ZC3HAV1: variants seen among roughly 807,000 people sequenced by gnomAD.
ZC3HAV1 encodes the protein zinc finger CCCH-type antiviral protein 1.
ZC3HAV1 carries 41 observed loss-of-function variants against 86.6 expected under a neutral mutation model. That is an observed-to-expected ratio of 0.47 (90% CI 0.37 to 0.61). The LOEUF (loss-of-function observed/expected upper bound fraction) is 0.61, where lower values mean the gene tolerates loss of function less well. Ranked by LOEUF, ZC3HAV1 falls within the 20% of genes least tolerant of loss-of-function variation. The pLI is 0.00. For missense variants in ZC3HAV1, 964 were observed against 1,141.1 expected (o/e 0.84, Z 2.24); for synonymous variants, 421 against 432.1 (o/e 0.97, Z 0.32).
intron 1 of ZC3HAV1, among the ~76,000 whole-genome samples, chr7:139,099,123 T>C (rs1472445161): frequency 6.6e-6 from 1 of 152,240 alleles, no homozygotes; most frequent in Non-Finnish European, 1.5e-5. Flanking sequence ...TTTGTTAGCT[T>C]AATTTCTAAA....
At position 139,061,074 on chromosome 7, in the gene ZC3HAV1, C is replaced by T; in HGVS notation, c.2058G>A (p.Val686=). The T allele has an allele frequency of 6.2e-7, 1 of 1,613,712 alleles. No homozygotes were observed. The highest frequency in any genetic ancestry group is 1.1e-5 in the South Asian group (1 of 91,058). ...TCATCTGCTGCACATACCACTGAGGCACAAATGTTGGTCTTCTGATGACAT... is the reference window on the plus strand; with the variant it reads ...TCATCTGCTGCACATACCACTGAGGTACAAATGTTGGTCTTCTGATGACAT... ...QKDVIRRPTF[V]PQWYVQQMKR... The change falls in exon 9 of 13, where the codon GTG becomes GTA. Residue 686 remains valine, a synonymous_variant. Coordinates refer to ENST00000242351, the MANE Select transcript of ZC3HAV1 (RefSeq NM_020119.4).
At chr7:139,085,352 T>G (rs935277784) in intron 2 of ZC3HAV1, among the ~76,000 whole-genome samples, 1 of 152,244 alleles carries the variant, frequency 6.6e-6, no homozygotes, top group Non-Finnish European at 1.5e-5. Flanking sequence ...AAAGCATTTC[T>G]TCCTTTAAGA....
At chr7:139,067,008 G>A (rs1471415441) in intron 7 of ZC3HAV1, among the ~76,000 whole-genome samples, 2 of 152,180 alleles carry the variant, frequency 1.3e-5, no homozygotes, top group Non-Finnish European at 2.9e-5. Flanking sequence ...TGATGCTGCT[G>A]GTCTGTGGAC....
intron 9 of ZC3HAV1, among the ~76,000 whole-genome samples, chr7:139,059,101 A>G (rs1211755702): frequency 5.3e-5 from 8 of 152,222 alleles, no homozygotes; most frequent in Non-Finnish European, 5.9e-5. Flanking sequence ...AACGATTGTA[A>G]CGAATGGAAA....
intron 1 of ZC3HAV1, among the ~76,000 whole-genome samples, chr7:139,106,974 A>G (rs1022556384): frequency 4.0e-5 from 6 of 151,882 alleles, no homozygotes; most frequent in African/African-American, 1.4e-4. Context: ...TTTTCTCTCT[A>G]CTTTTGAGTA....
At chr7:139,057,536 T>TAAAAAATAAATGCTTGAAGGAAAAAAC (rs1584840609) in intron 9 of ZC3HAV1, among the ~76,000 whole-genome samples, 5 of 59,912 alleles carry the variant, frequency 8.3e-5, no homozygotes, top group East Asian at 5.1e-4. Context: ...AATTACATTT[T>TAAAAAATAAATGCTTGAAGGAAAAAAC]TTTTTTTTTT....
rs369685299 is a variant in ZC3HAV1, at chr7:139,079,927, G to T, written c.1014C>A (p.Asp338Glu). Residue 338 changes from aspartate to glutamate, a missense_variant, in exon 4 of 13, where the codon GAC becomes GAA. Transcript: ENST00000242351. ...TGCTGCCTGGATTTCCATGCAAGAG[G>T]TCCTCTTGACTGCCGTTCTCTAAAA... ...QRFLENGSQE[D>E]LLHGNPGSTY... The T allele has an allele frequency of 8.7e-6, 14 of 1,614,072 alleles. No homozygotes were observed. Among genetic ancestry groups the T allele is most frequent in the Non-Finnish European group, 1.1e-5 (13 of 1,180,050 alleles).
At chr7:139,064,410 T>G (rs990155408) in intron 8 of ZC3HAV1, among the ~76,000 whole-genome samples, 3 of 152,168 alleles carry the variant, frequency 2.0e-5, no homozygotes, top group African/African-American at 7.2e-5. Context: ...GAAGGCAAAG[T>G]ACTTTAATCA....
chr7:139,104,390 A>G (rs1304589000), intron 1 of ZC3HAV1, among the ~76,000 whole-genome samples: 2 of 152,208 alleles, frequency 1.3e-5, no homozygotes, highest in Non-Finnish European at 2.9e-5. Flanking sequence ...TAATAACTTC[A>G]TATAGTTACT....
intron 7 of ZC3HAV1, 114 bp downstream of exon 7, chr7:139,073,742 C>T: frequency 1.9e-6 from 2 of 1,069,592 alleles, no homozygotes; most frequent in South Asian, 3.7e-5. Context: ...CCACCTGCCT[C>T]AGCCTCCCAA....
At chr7:139,097,800 AG>A (rs1817651913) in intron 1 of ZC3HAV1, among the ~76,000 whole-genome samples, 1 of 151,956 alleles carries the variant, frequency 6.6e-6, no homozygotes, top group African/African-American at 2.4e-5. Flanking sequence ...CTGGGCTGAA[AG>A]GGCTGGAGGA....
Position 139,109,427 on chromosome 7 carries a change from G to T in ZC3HAV1, c.-96C>A. 7.1e-7 allele frequency: 1 copy of T among 1,411,210 alleles called. No individual in the cohort carries two copies. Among genetic ancestry groups the T allele is most frequent in the East Asian group, 2.5e-5 (1 of 39,350 alleles). 87.4% of individuals were successfully genotyped at this position (1,411,210 alleles called of 1,614,324 possible). ...CAAGTGTCCAGGGGCGGGCGCGGGC[G>T]GTGCTACTGCTGGGCGCGCCCGGAG... On this transcript the variant is annotated 5_prime_UTR_variant, in exon 1 of 13. Transcript: ENST00000242351.
At chr7:139,093,173 G>A (rs1328840279) in intron 1 of ZC3HAV1, among the ~76,000 whole-genome samples, 1 of 152,060 alleles carries the variant, frequency 6.6e-6, no homozygotes, top group Non-Finnish European at 1.5e-5. Flanking sequence ...AAAGGTGACA[G>A]ATAAGAGGAA....
At chr7:139,083,129 A>G (rs1817173731) in intron 3 of ZC3HAV1, among the ~76,000 whole-genome samples, 2 of 152,078 alleles carry the variant, frequency 1.3e-5, no homozygotes, top group Admixed American at 1.3e-4. Flanking sequence ...TGCTAAAGCA[A>G]TTGGGACAAA....
chr7:139,094,511 A>C (rs1393813247), intron 1 of ZC3HAV1, among the ~76,000 whole-genome samples: 1 of 152,002 alleles, frequency 6.6e-6, no homozygotes, highest in Admixed American at 6.6e-5. Context: ...AAAAAAAAAA[A>C]AAACAGCAAA....
Position 139,055,286 on chromosome 7 carries a change from T to C in ZC3HAV1, c.2106A>G (p.Pro702=). ...QQMKRGPDHQ[P]AKTSSVSLTA... is the part of the protein sequence containing the mutation. ...TTAAAGACACTGACGAGGTCTTTGC[T>C]GGCTGATGGCTACAAATAAAGAGAA... The change falls in exon 10 of 13, where the codon CCA becomes CCG. Residue 702 remains proline (P), a synonymous_variant. Coordinates refer to ENST00000242351, the MANE Select transcript of ZC3HAV1 (RefSeq NM_020119.4). 1 of 1,612,706 alleles carries C rather than the reference T, an allele frequency of 6.2e-7. No individual in the cohort carries two copies. The highest frequency in any genetic ancestry group is 1.1e-5 in the South Asian group (1 of 90,808).
At chr7:139,087,205 A>G (rs1033419125) in intron 2 of ZC3HAV1, among the ~76,000 whole-genome samples, 3 of 152,184 alleles carry the variant, frequency 2.0e-5, no homozygotes, top group African/African-American at 7.2e-5. Flanking sequence ...AAGAAAAAGG[A>G]TGATATGTCT....
chr7:139,047,528 C>G lies in ZC3HAV1; in HGVS notation c.*66G>C, dbSNP rs3087999. 813,266 of 1,596,530 alleles carry G rather than the reference C, an allele frequency of 0.51. 210,975 individuals are homozygous for G. The highest frequency in any genetic ancestry group is 0.7 in the African/African-American group (52,224 of 74,156). On this transcript the variant is annotated 3_prime_UTR_variant, in exon 13 of 13. Transcript: ENST00000242351. The stretch of plus-strand genomic sequence containing the variant: ...AATATAAAACTTTAACTCCTGTCTG[C>G]GGCAATTTAGTTCTGTAAAGGAACA...
At chr7:139,091,782 T>G (rs1817443016) in intron 1 of ZC3HAV1, among the ~76,000 whole-genome samples, 1 of 151,934 alleles carries the variant, frequency 6.6e-6, no homozygotes, top group African/African-American at 2.4e-5. Flanking sequence ...ACCCTAATAT[T>G]CTTCTTGATA....
Sources: allele counts gnomAD v4.1 joint callset (sites outside exome capture counted in the v4.1 genomes callset), GRCh38; gene constraint gnomAD v4.1.1; transcripts MANE v1.5; gene names NCBI Gene and HGNC (gene_info 2026-07-23, HGNC 2026-07-21).